Variants in CSMD3 observed in about 807,000 individuals in gnomAD.
The protein encoded by CSMD3 is CUB and sushi domain-containing protein 3.
CSMD3 carries 177 observed loss-of-function variants against 435.2 expected under a neutral mutation model. The ratio of observed to expected loss-of-function variants is 0.41; its 90% CI spans 0.36 to 0.46. CSMD3 has a LOEUF of 0.46. Among genes scored for constraint, CSMD3 ranks in the 20% least tolerant of loss-of-function variants. The pLI, the probability that CSMD3 is intolerant of heterozygous loss-of-function variation, is 0.34. For missense variants in CSMD3, 4,265 were observed against 4,504.6 expected, an observed-to-expected ratio of 0.95 and a Z score of 1.52; for synonymous variants, 1,656 against 1,520.5, an observed-to-expected ratio of 1.09 and a Z score of -2.07.
At chr8:113,067,461 C>G (rs2088910032) in intron 5 of CSMD3, among the ~76,000 whole-genome samples, 1 of 152,054 alleles carries the variant, frequency 6.6e-6, no homozygotes, top group African/African-American at 2.4e-5. Context: ...AGTCCTTAAG[C>G]TTTGTGAAGT....
At chr8:113,272,216 G>A (rs994150840) in intron 3 of CSMD3, among the ~76,000 whole-genome samples, 7 of 152,098 alleles carry the variant, frequency 4.6e-5, no homozygotes, top group South Asian at 2.1e-4. Flanking sequence ...TAAGACTTTG[G>A]GGGATGCTTG....
intron 2 of CSMD3, among the ~76,000 whole-genome samples, chr8:113,281,684 C>G (rs572255634): frequency 9.9e-5 from 15 of 151,666 alleles, no homozygotes; most frequent in African/African-American, 3.1e-4. Flanking sequence ...TGTGAGGTAC[C>G]CTTGCATACA....
At chr8:112,684,210 T>C (rs1283502739) in intron 15 of CSMD3, among the ~76,000 whole-genome samples, 1 of 152,050 alleles carries the variant, frequency 6.6e-6, no homozygotes, top group Non-Finnish European at 1.5e-5. Flanking sequence ...TCTTTAGACA[T>C]GTACATGAAG....
chr8:112,376,926 CCA>C (rs1414442595), intron 38 of CSMD3, among the ~76,000 whole-genome samples: 1 of 152,042 alleles, frequency 6.6e-6, no homozygotes, highest in Non-Finnish European at 1.5e-5. Flanking sequence ...GTAAGAAAAA[CCA>C]CAGTTACCCA....
At chr8:112,664,823 T>G (rs2075479583) in intron 17 of CSMD3, among the ~76,000 whole-genome samples, 1 of 152,142 alleles carries the variant, frequency 6.6e-6, no homozygotes, top group Non-Finnish European at 1.5e-5. Context: ...CAGAATAAAC[T>G]GTCTTGTGGA....
chr8:112,704,256 G>A (rs1274373736), intron 13 of CSMD3, among the ~76,000 whole-genome samples: 1 of 151,858 alleles, frequency 6.6e-6, no homozygotes, highest in East Asian at 1.9e-4. Context: ...TGGGATTACA[G>A]GCATGAACCA....
intron 9 of CSMD3, among the ~76,000 whole-genome samples, chr8:112,946,185 T>C (rs1002597261): frequency 2.6e-5 from 4 of 151,848 alleles, no homozygotes; most frequent in African/African-American, 7.2e-5. Flanking sequence ...ATATTGTACA[T>C]GTTACTTTGT....
chr8:113,320,696 C>T (rs1436100291), intron 1 of CSMD3, among the ~76,000 whole-genome samples: 1 of 151,994 alleles, frequency 6.6e-6, no homozygotes, highest in Non-Finnish European at 1.5e-5. Context: ...TCTTGGAAAT[C>T]TTTTCTTATT....
chr8:113,195,841 C>A (rs77704365), intron 3 of CSMD3, among the ~76,000 whole-genome samples: 7,260 of 122,490 alleles, frequency 0.059, 195 homozygotes, highest in Non-Finnish European at 0.082. Flanking sequence ...ACACACACAC[C>A]CCCACACACA....
At chr8:113,231,103 T>G (rs1001722791) in intron 3 of CSMD3, among the ~76,000 whole-genome samples, 1 of 151,388 alleles carries the variant, frequency 6.6e-6, no homozygotes, top group East Asian at 1.9e-4. Context: ...CCCTTTTGAT[T>G]AACATTATTT....
intron 3 of CSMD3, among the ~76,000 whole-genome samples, chr8:113,209,804 T>A (rs544093405): frequency 1.3e-5 from 2 of 152,196 alleles, no homozygotes; most frequent in Admixed American, 6.5e-5. Context: ...AAAATGCAAT[T>A]TTTATCCAAA....
In CSMD3 at chr8:112,307,741, C is replaced by A. The variant is rs535416214; in HGVS notation, c.7886-1549G>T. On this transcript the variant is annotated intron_variant, in intron 50 of 70. Transcript: ENST00000297405. ...GCATTATTGTTATAAAATGAGAAAGCTTCTGTATTATGAAAGATATCTAGC... is the reference window on the plus strand; with the variant it reads ...GCATTATTGTTATAAAATGAGAAAGATTCTGTATTATGAAAGATATCTAGC... Among the ~76,000 whole-genome samples, 152 of 152,216 alleles carry A rather than the reference C, an allele frequency of 1.0e-3. 1 individual carries two copies. The South Asian group carries it at 0.03, about 30-fold the overall frequency.
At chr8:112,292,507 C>A (rs1345543989) in intron 55 of CSMD3, 30 bp downstream of exon 55, 1 of 1,606,658 alleles carries the variant, frequency 6.2e-7, no homozygotes. Flanking sequence ...ATTATCATGC[C>A]ACCAAATGGG....
intron 10 of CSMD3, among the ~76,000 whole-genome samples, chr8:112,867,275 T>C (rs145278091): frequency 6.6e-6 from 1 of 152,160 alleles, no homozygotes; most frequent in African/African-American, 2.4e-5. Flanking sequence ...ATTTGAATTT[T>C]ATTCTTACCA....
chr8:113,246,489 A>C (rs936662756), intron 3 of CSMD3, among the ~76,000 whole-genome samples: 1 of 152,054 alleles, frequency 6.6e-6, no homozygotes, highest in African/African-American at 2.4e-5. Flanking sequence ...CTTCCACTTA[A>C]TTCTTTAGAT....
intron 9 of CSMD3, among the ~76,000 whole-genome samples, chr8:112,940,394 T>C (rs914309615): frequency 6.6e-6 from 1 of 151,806 alleles, no homozygotes; most frequent in South Asian, 2.1e-4. Context: ...CCTTTTCCTT[T>C]ATATCTTCCT....
intron 31 of CSMD3, among the ~76,000 whole-genome samples, chr8:112,480,537 A>C (rs1907802): frequency 0.31 from 47,218 of 151,808 alleles, 7,533 homozygotes; most frequent in East Asian, 0.5. Flanking sequence ...GTCATGGGGG[A>C]AAATCCCTCA....
chr8:112,334,683 G>C (rs1824395997), intron 45 of CSMD3, among the ~76,000 whole-genome samples: 1 of 152,060 alleles, frequency 6.6e-6, no homozygotes, highest in Non-Finnish European at 1.5e-5. Context: ...CAAAAATAAA[G>C]AAGAGAAACA....
intron 16 of CSMD3, among the ~76,000 whole-genome samples, chr8:112,667,425 G>A (rs72678452): frequency 0.15 from 23,089 of 152,060 alleles, 2,046 homozygotes; most frequent in Middle Eastern, 0.32. Flanking sequence ...CTAGCTCTAT[G>A]GATTTCATCT....
Sources: allele counts gnomAD v4.1 joint callset (sites outside exome capture counted in the v4.1 genomes callset), GRCh38; gene constraint gnomAD v4.1.1; transcripts MANE v1.5; gene names NCBI Gene and HGNC (gene_info 2026-07-23, HGNC 2026-07-21).